The following TSPAN13 variants were observed in gnomAD, a reference collection of about 807,000 sequenced individuals.
TSPAN13 encodes tetraspanin-13.
TSPAN13 carries 18 observed loss-of-function variants against 26.9 expected under a neutral mutation model. The ratio of observed to expected loss-of-function variants is 0.67; its 90% CI spans 0.46 to 0.99. TSPAN13 has a LOEUF of 0.99. Ranked by LOEUF, TSPAN13 falls within the 50% of genes least tolerant of loss-of-function variation. TSPAN13 has a pLI of 0.00. For synonymous variants in TSPAN13, 116 were observed against 98.4 expected (o/e 1.18, Z -1.06); for missense variants, 201 against 249.6 (o/e 0.81, Z 1.31).
At chr7:16,766,530 G>A (rs1335016380) in intron 1 of TSPAN13, among the ~76,000 whole-genome samples, 1 of 152,226 alleles carries the variant, frequency 6.6e-6, no homozygotes. Context: ...TTACAAACGT[G>A]TGGAGAATCA....
chr7:16,777,032 T>G lies in TSPAN13; in HGVS notation c.232-10T>G, dbSNP rs1784759228. 1 of 1,585,846 alleles carries G rather than the reference T, an allele frequency of 6.3e-7. No homozygotes were observed. Among genetic ancestry groups the G allele is most frequent in the Admixed American group, 1.7e-5 (1 of 59,830 alleles). ...AATATTTAGAAGTATCCTTAACTTC[T>G]AACTCTCAGTATATGATTATTCTGT... On this transcript the variant is annotated splice_polypyrimidine_tract_variant and intron_variant, in intron 2 of 5. Transcript: ENST00000262067.
chr7:16,764,481 A>G (rs1784584701), intron 1 of TSPAN13, among the ~76,000 whole-genome samples: 1 of 152,072 alleles, frequency 6.6e-6, no homozygotes, highest in South Asian at 2.1e-4. Context: ...TACTCTAGGC[A>G]ACACACAGTG....
chr7:16,781,752 A>AACAT (rs1562522096), intron 5 of TSPAN13, among the ~76,000 whole-genome samples: 14 of 152,308 alleles, frequency 9.2e-5, no homozygotes, highest in African/African-American at 2.9e-4. Context: ...AAAAATTCTG[A>AACAT]CCAGAAGCTC....
Position 16,754,046 on chromosome 7 carries a change from C to T in TSPAN13, c.63+16C>T. On this transcript the variant is annotated intron_variant, in intron 1 of 5. Transcript: ENST00000262067. ...GCTTTACACCGTGAGTATCCCCAGTCCGTTCCTGCTCGCTTGGGGGCTTTG... is the reference window on the plus strand; with the variant it reads ...GCTTTACACCGTGAGTATCCCCAGTTCGTTCCTGCTCGCTTGGGGGCTTTG... The T allele has an allele frequency of 1.2e-6, 2 of 1,612,802 alleles. No homozygotes were observed. Among genetic ancestry groups the T allele is most frequent in the Non-Finnish European group, 1.7e-6 (2 of 1,179,212 alleles).
rs1784771492 is a variant in TSPAN13, at chr7:16,777,900, A to T, written c.415A>T (p.Thr139Ser). 1 of 1,612,104 alleles carries T rather than the reference A, an allele frequency of 6.2e-7. No homozygotes were observed. The highest frequency in any genetic ancestry group is 1.3e-5 in the African/African-American group (1 of 74,878). ...GTTCCGAAGTGTTAACCCAAATGAC[A>T]CCTGTCTGGCTGTAAGTACATTGTA... The part of the protein sequence containing the change: ...CGFRSVNPND[T>S]CLASCVKSDH... The change falls in exon 4 of 6, where the codon ACC becomes TCC. Residue 139 changes from threonine to serine, a missense_variant. By Grantham distance (58) the Thr-to-Ser change is moderately conservative. Coordinates refer to ENST00000262067, the MANE Select transcript of TSPAN13 (RefSeq NM_014399.4).
intron 1 of TSPAN13, among the ~76,000 whole-genome samples, chr7:16,754,367 C>T (rs1784458208): frequency 6.6e-6 from 1 of 152,248 alleles, no homozygotes; most frequent in South Asian, 2.1e-4. Flanking sequence ...TACCCTTCTG[C>T]CGCTCGCTCC....
chr7:16,762,908 T>C (rs758533056), intron 1 of TSPAN13, among the ~76,000 whole-genome samples: 1 of 152,102 alleles, frequency 6.6e-6, no homozygotes, highest in African/African-American at 2.4e-5. Flanking sequence ...CACAGTAAGG[T>C]GAATATACTT....
intron 1 of TSPAN13, among the ~76,000 whole-genome samples, chr7:16,769,741 T>C (rs1784652822): frequency 1.3e-5 from 2 of 152,156 alleles, no homozygotes; most frequent in Admixed American, 6.5e-5. Context: ...GTTTCTCTCC[T>C]CCCATTGTTA....
In TSPAN13 at chr7:16,757,850, T is replaced by C. The variant is rs146705480; in HGVS notation, c.63+3820T>C. Reference sequence around the variant, plus strand: ...ATTTTATTGTTTCTATTTGTATTTTTGAGATGGAGTTTCACTCTCGTTGCC... The same window carrying C: ...ATTTTATTGTTTCTATTTGTATTTTCGAGATGGAGTTTCACTCTCGTTGCC... On this transcript the variant is annotated intron_variant, in intron 1 of 5. Coordinates refer to ENST00000262067, the MANE Select transcript of TSPAN13 (RefSeq NM_014399.4). 9.9e-3 allele frequency among the ~76,000 whole-genome samples: 1,504 copies of C among 152,298 alleles called. 24 individuals are homozygous for C. The highest frequency in any genetic ancestry group is 0.034 in the African/African-American group (1,417 of 41,558).
rs1784849534 is a variant in TSPAN13, at chr7:16,784,402, T to G, written c.*911T>G. On this transcript the variant is annotated 3_prime_UTR_variant, in exon 6 of 6. Transcript: ENST00000262067. ...TGTCAAACCTAAGCATATTTGAATA[T>G]GATCTCCCATAATTTGAAATTGAAA... is the stretch of plus-strand genomic sequence containing the variant. The G allele has an allele frequency of 6.6e-6, 1 of 152,220 alleles. No individual in the cohort carries two copies. Among genetic ancestry groups the G allele is most frequent in the African/African-American group, 2.4e-5 (1 of 41,472 alleles). 9.4% of individuals were successfully genotyped at this position (152,220 alleles called of 1,614,324 possible). A position where few individuals can be genotyped will look rare whatever the true frequency, so the allele number is the denominator to read the frequency against.
Position 16,776,239 on chromosome 7 carries a change from C to T in TSPAN13, c.92C>T (p.Ala31Val). 6.2e-7 allele frequency: 1 copy of T among 1,613,990 alleles called. No individual in the cohort carries two copies. The highest frequency in any genetic ancestry group is 1.3e-5 in the African/African-American group (1 of 74,980). The part of the protein sequence containing the change: ...TLVSLLLIGI[A>V]AWGIGFGLIS... ...GTTAGTCTGCTGCTAATTGGAATTG[C>T]TGCGTGGGGCATTGGCTTCGGGCTG... The change falls in exon 2 of 6, where the codon GCT becomes GTT. Residue 31 changes from alanine to valine, a missense_variant. Physicochemically the swap from Ala to Val is moderately conservative, Grantham distance 64. Coordinates refer to ENST00000262067, the MANE Select transcript of TSPAN13 (RefSeq NM_014399.4).
At chr7:16,766,746 G>T (rs948095945) in intron 1 of TSPAN13, among the ~76,000 whole-genome samples, 2 of 152,178 alleles carry the variant, frequency 1.3e-5, no homozygotes, top group Non-Finnish European at 2.9e-5. Flanking sequence ...AAGGCTGAAT[G>T]AGGAAAGTTA....
rs913390753 is a variant in TSPAN13, at chr7:16,783,765, A to C, written c.*274A>C. On this transcript the variant is annotated 3_prime_UTR_variant, in exon 6 of 6. Transcript: ENST00000262067. ...ACTGTCCACTGTGGCCTTTCTTAGC[A>C]TTTTTACCTGCAGAAAAACTTTGTA... The C allele has an allele frequency of 5.2e-5, 23 of 442,994 alleles. No homozygotes were observed. The highest frequency in any genetic ancestry group is 9.4e-5 in the Non-Finnish European group (23 of 244,958). 27.4% of individuals were successfully genotyped at this position (442,994 alleles called of 1,614,324 possible). A position where few individuals can be genotyped will look rare whatever the true frequency, so the allele number is the denominator to read the frequency against.
At chr7:16,777,724 T>G in intron 3 of TSPAN13, 74 bp from the exon 4 acceptor site, 2 of 1,126,634 alleles carry the variant, frequency 1.8e-6, no homozygotes, top group Non-Finnish European at 2.5e-6. Context: ...CACTTAGTAC[T>G]AAAAGTTACA....
intron 1 of TSPAN13, among the ~76,000 whole-genome samples, chr7:16,765,010 C>T (rs569461512): frequency 9.2e-5 from 14 of 151,950 alleles, no homozygotes; most frequent in East Asian, 1.9e-4. Context: ...GATCCTGCCT[C>T]GGCCTCCCAA....
rs528358796 is a variant in TSPAN13 at position 16,760,109 on chromosome 7, T to C, written c.63+6079T>C. Among the ~76,000 whole-genome samples the C allele has an allele frequency of 2.0e-5, 3 of 152,244 alleles. No homozygotes were observed. The East Asian group carries it at 5.8e-4, about 29-fold the overall frequency. On this transcript the variant is annotated intron_variant, in intron 1 of 5. Transcript: ENST00000262067. ...GTCAGGGGTGGACCCAGGAGAGCAC[T>C]ATAGGGCCATGAGCTTTTATACCAA...
At chr7:16,775,582 G>A (rs1414250857) in intron 1 of TSPAN13, among the ~76,000 whole-genome samples, 2 of 152,158 alleles carry the variant, frequency 1.3e-5, no homozygotes, top group African/African-American at 2.4e-5. Flanking sequence ...CCAGGGACCC[G>A]GTCTTGTGAT....
intron 1 of TSPAN13, among the ~76,000 whole-genome samples, chr7:16,758,745 A>T (rs1157891426): frequency 7.2e-6 from 1 of 138,482 alleles, no homozygotes; most frequent in Non-Finnish European, 1.6e-5. Flanking sequence ...TATTTCTTGT[A>T]ATACCCTTTT....
chr7:16,763,219 G>A (rs1188793870), intron 1 of TSPAN13, among the ~76,000 whole-genome samples: 2 of 152,160 alleles, frequency 1.3e-5, no homozygotes, highest in African/African-American at 4.8e-5. Context: ...GCTAAAAGGA[G>A]TGCTCATGTT....
Sources: gnomAD v4.1 joint callset for allele counts (sites outside exome capture counted in the v4.1 genomes callset) on GRCh38, gnomAD v4.1.1 for gene constraint, MANE v1.5 for transcripts, NCBI Gene and HGNC (gene_info 2026-07-23, HGNC 2026-07-21) for gene names.